The following FER variants were observed in gnomAD, a reference collection of about 807,000 sequenced individuals.
FER encodes the protein tyrosine-protein kinase Fer.
In FER, 63 loss-of-function variants were observed where a neutral mutation model predicts 111.0. The observed-to-expected ratio is 0.57, with a 90% confidence interval of 0.46 to 0.70. The LOEUF is 0.70. Among genes scored for constraint, FER ranks in the 30% least tolerant of loss-of-function variants. FER has a pLI of 0.00. For synonymous variants in FER, 327 were observed against 313.9 expected, an observed-to-expected ratio of 1.04 and a Z score of -0.44; for missense variants, 914 against 954.0, an observed-to-expected ratio of 0.96 and a Z score of 0.55.
At chr5:108,915,987 C>G (rs1460575662) in intron 10 of FER, among the ~76,000 whole-genome samples, 1 of 152,162 alleles carries the variant, frequency 6.6e-6, no homozygotes, top group Non-Finnish European at 1.5e-5. Context: ...CCACTTCCCT[C>G]TTCTCTCCTG....
intron 13 of FER, among the ~76,000 whole-genome samples, chr5:108,984,049 T>C (rs1326387240): frequency 6.6e-6 from 1 of 152,154 alleles, no homozygotes; most frequent in Admixed American, 6.6e-5. Context: ...CCTACTCTTC[T>C]TGAAATGTAT....
At chr5:109,039,799 C>G (rs1167785841) in intron 14 of FER, among the ~76,000 whole-genome samples, 2 of 152,032 alleles carry the variant, frequency 1.3e-5, no homozygotes, top group Non-Finnish European at 2.9e-5. Context: ...CATTGTATAA[C>G]TTTGGCTTTG....
chr5:108,972,095 A>G (rs1444879592), intron 13 of FER, among the ~76,000 whole-genome samples: 1 of 152,002 alleles, frequency 6.6e-6, no homozygotes, highest in Non-Finnish European at 1.5e-5. Context: ...TTTTGAACTT[A>G]GACATTGAGG....
chr5:108,924,645 T>G (rs1753496768), intron 10 of FER: 1 of 1,231,816 alleles, frequency 8.1e-7, no homozygotes. Flanking sequence ...TCACTATCTC[T>G]TAGCTAAATT....
At chr5:108,765,035 A>T (rs759029166) in intron 1 of FER, among the ~76,000 whole-genome samples, 54 of 152,290 alleles carry the variant, frequency 3.5e-4, no homozygotes, top group Non-Finnish European at 7.4e-4. Context: ...AGGGAATAGG[A>T]ACTATTTTTT....
chr5:108,940,312 A>T (rs1756083325), intron 10 of FER, among the ~76,000 whole-genome samples: 1 of 152,130 alleles, frequency 6.6e-6, no homozygotes, highest in Non-Finnish European at 1.5e-5. Flanking sequence ...CTTTATAAAT[A>T]AAGGAAAGTA....
chr5:109,115,319 T>C (rs1435299296), intron 17 of FER, among the ~76,000 whole-genome samples: 1 of 152,072 alleles, frequency 6.6e-6, no homozygotes, highest in Non-Finnish European at 1.5e-5. Flanking sequence ...TCAACATGAT[T>C]TATTGATAGG....
intron 3 of FER, among the ~76,000 whole-genome samples, chr5:108,810,804 G>A (rs1757679520): frequency 1.3e-5 from 2 of 152,188 alleles, no homozygotes; most frequent in African/African-American, 4.8e-5. Context: ...GTGAGCAGGT[G>A]TTTCAGCTGT....
chr5:109,002,659 A>C (rs914870355), intron 13 of FER, among the ~76,000 whole-genome samples: 2 of 152,248 alleles, frequency 1.3e-5, no homozygotes, highest in Non-Finnish European at 2.9e-5. Context: ...GCACAGCAAA[A>C]GAAACTACTA....
chr5:108,787,627 T>G (rs751072095), intron 2 of FER, among the ~76,000 whole-genome samples: 3 of 152,188 alleles, frequency 2.0e-5, no homozygotes, highest in Non-Finnish European at 2.9e-5. Flanking sequence ...TCCCTGATTC[T>G]GAGCACATAA....
chr5:108,769,055 G>T (rs1752619824), intron 2 of FER, among the ~76,000 whole-genome samples: 1 of 152,106 alleles, frequency 6.6e-6, no homozygotes, highest in Non-Finnish European at 1.5e-5. Context: ...TCAAACTCCT[G>T]ACCTCAGATG....
intron 10 of FER, among the ~76,000 whole-genome samples, chr5:108,936,179 G>A (rs1755447836): frequency 6.6e-6 from 1 of 151,962 alleles, no homozygotes; most frequent in South Asian, 2.1e-4. Context: ...TTCATTGGGA[G>A]CAAAGGGATT....
At chr5:108,932,805 G>A (rs1754881402) in intron 10 of FER, among the ~76,000 whole-genome samples, 2 of 149,708 alleles carry the variant, frequency 1.3e-5, no homozygotes, top group African/African-American at 2.5e-5. Flanking sequence ...TATGTTTGTT[G>A]GCTACATAAA....
chr5:109,131,104 T>G (rs1251855573), intron 17 of FER, among the ~76,000 whole-genome samples: 2 of 152,156 alleles, frequency 1.3e-5, no homozygotes, highest in African/African-American at 2.4e-5. Flanking sequence ...GAGAAACTGA[T>G]TTTTTACTTC....
chr5:109,038,211 CT>C (rs1770665866), intron 14 of FER, among the ~76,000 whole-genome samples: 2 of 151,712 alleles, frequency 1.3e-5, no homozygotes, highest in African/African-American at 4.8e-5. Context: ...TAAGTATTCA[CT>C]TTTTTGTCAG....
chr5:108,757,187 G>A (rs1393091056), intron 1 of FER, among the ~76,000 whole-genome samples: 1 of 152,134 alleles, frequency 6.6e-6, no homozygotes, highest in Non-Finnish European at 1.5e-5. Context: ...CAGCTATTTG[G>A]GAGCAACTCT....
chr5:109,108,869 A>C lies in FER; in HGVS notation c.2048+8350A>C, dbSNP rs61383069. ...TGGAGCAATCAACATACAGAACTAG[A>C]GAACTCTAGCTGGACATTGACTCTC... is the stretch of plus-strand genomic sequence containing the variant. On this transcript the variant is annotated intron_variant, in intron 17 of 19. Coordinates refer to ENST00000281092, the MANE Select transcript of FER (RefSeq NM_005246.4). 6.9e-3 allele frequency among the ~76,000 whole-genome samples: 1,050 copies of C among 152,294 alleles called. 8 individuals carry two copies. The highest frequency in any genetic ancestry group is 0.024 in the African/African-American group (999 of 41,572).
At chr5:108,850,192 T>G (rs192177259) in intron 5 of FER, among the ~76,000 whole-genome samples, 5 of 146,022 alleles carry the variant, frequency 3.4e-5, no homozygotes. Flanking sequence ...AGACTCCGTC[T>G]CAAAAAAAAA....
intron 17 of FER, among the ~76,000 whole-genome samples, chr5:109,109,470 A>AT (rs1428093275): frequency 6.6e-6 from 1 of 152,088 alleles, no homozygotes; most frequent in Middle Eastern, 3.2e-3. Context: ...GCTTCTAGTC[A>AT]TTGCTCATCA....
Sources: gnomAD v4.1 joint callset for allele counts (sites outside exome capture counted in the v4.1 genomes callset) on GRCh38, gnomAD v4.1.1 for gene constraint, MANE v1.5 for transcripts, NCBI Gene and HGNC (gene_info 2026-07-23, HGNC 2026-07-21) for gene names.